AZU1: variants seen among roughly 807,000 people sequenced by gnomAD.
AZU1 encodes the protein azurocidin.
AZU1 carries 21 observed loss-of-function variants against 17.8 expected under a neutral mutation model. The ratio of observed to expected loss-of-function variants is 1.18; its 90% confidence interval spans 0.84 to 1.70. The LOEUF is 1.70. AZU1 is among the 40% of genes most tolerant of loss of function. The probability of loss-of-function intolerance (pLI) is 0.00; values close to 1 mark genes in which losing one functional copy is unlikely to be tolerated. For synonymous variants in AZU1, 178 were observed against 155.2 expected, an observed-to-expected ratio of 1.15 and a Z score of -1.09; for missense variants, 379 against 362.9, an observed-to-expected ratio of 1.04 and a Z score of -0.36.
chr19:828,429 A>C, intron 2 of AZU1, 43 bp downstream of exon 2: 1 of 1,368,156 alleles, frequency 7.3e-7, no homozygotes, highest in Non-Finnish European at 9.6e-7. Flanking sequence ...ATTGGGGCTC[A>C]GAGAAGGGGC....
At position 828,309 on chromosome 19, in the gene AZU1, T is replaced by C. The variant is rs1362721979; in HGVS notation, c.138T>C (p.Asn46=). ...RQFPFLASIQ[N]QGRHFCGGAL... ...TCCCGTTCCTGGCCTCCATTCAGAA[T>C]CAAGGCAGGCACTTCTGCGGGGGTG... Residue 46 remains asparagine (N), a synonymous_variant, in exon 2 of 5, where the codon AAT becomes AAC. Transcript: ENST00000233997. 1 of 1,611,314 alleles carries C rather than the reference T, an allele frequency of 6.2e-7. No homozygotes were observed. Among genetic ancestry groups the C allele is most frequent in the Non-Finnish European group, 8.5e-7 (1 of 1,179,442 alleles).
chr19:830,502 A>G (rs536005534), intron 3 of AZU1, among the ~76,000 whole-genome samples: 1 of 152,068 alleles, frequency 6.6e-6, no homozygotes, highest in African/African-American at 2.4e-5. Flanking sequence ...TTGGTCTCGA[A>G]CTCCTGGCCT....
intron 2 of AZU1, among the ~76,000 whole-genome samples, chr19:829,119 G>A (rs112322569): frequency 4.2e-5 from 5 of 120,020 alleles, no homozygotes; most frequent in Non-Finnish European, 7.1e-5. Context: ...GGGGTCAGAT[G>A]GAGGAGGTGC....
chr19:831,912 C>A lies in AZU1; in HGVS notation c.*35C>A. On this transcript the variant is annotated 3_prime_UTR_variant, in exon 5 of 5. Transcript: ENST00000233997. ...TGACCTCCCATGGAGCCCAGCCCCG[C>A]CCTCCACACCTCCGGCGCTCCGCAC... 2 of 1,589,156 alleles carry A rather than the reference C, an allele frequency of 1.3e-6. No individual in the cohort carries two copies. The highest frequency in any genetic ancestry group is 8.6e-7 in the Non-Finnish European group (1 of 1,165,478).
chr19:828,262 C>G lies in AZU1; in HGVS notation c.91C>G (p.Arg31Gly). 3 of 1,608,414 alleles carry G rather than the reference C, an allele frequency of 1.9e-6. No homozygotes were observed. The highest frequency in any genetic ancestry group is 1.1e-5 in the South Asian group (1 of 90,524). Residue 31 changes from arginine (R) to glycine (G), a missense_variant, in exon 2 of 5, where the codon CGG becomes GGG. By Grantham distance (125) the Arg-to-Gly change is moderately radical. Coordinates refer to ENST00000233997, the MANE Select transcript of AZU1 (RefSeq NM_001700.5). ...CCCCCTTTTGGACATCGTTGGCGGC[C>G]GGAAGGCGAGGCCCCGCCAGTTCCC... ...SSPLLDIVGG[R>G]KARPRQFPFL...
chr19:831,139 G>A (rs1406547709), intron 4 of AZU1, 198 bp downstream of exon 4: 22 of 571,698 alleles, frequency 3.8e-5, no homozygotes, highest in East Asian at 3.0e-5. Flanking sequence ...GTGTAGTGGC[G>A]TGATCTCGGC....
At chr19:831,292 C>A in intron 4 of AZU1, 2 of 321,884 alleles carry the variant, frequency 6.2e-6, no homozygotes, top group Non-Finnish European at 1.1e-5. Flanking sequence ...GTGGGTCAGG[C>A]TGGTCTCGAA....
intron 4 of AZU1, 96 bp from the exon 5 acceptor site, chr19:831,620 C>G: frequency 7.5e-7 from 1 of 1,340,520 alleles, no homozygotes; most frequent in South Asian, 1.5e-5. Flanking sequence ...TGGATCAGGA[C>G]TTGTAGGTTC....
Position 828,403 on chromosome 19 carries a change from AG to A in AZU1, c.215+22del. On this transcript the variant is annotated intron_variant, in intron 2 of 4. Transcript: ENST00000233997. ...CCAAAGCCAGTGAGGGGTCCTGGGG[AG>A]GGGGCCTAGGGGGCATTGGGGCTCA... is the stretch of plus-strand genomic sequence containing the variant. The A allele has an allele frequency of 1.3e-6, 1 of 744,906 alleles. No individual in the cohort carries two copies. The highest frequency in any genetic ancestry group is 1.7e-6 in the Non-Finnish European group (1 of 593,750). 46.1% of individuals were successfully genotyped at this position (744,906 alleles called of 1,614,324 possible).
At chr19:828,135 C>T (rs2035237475) in intron 1 of AZU1, 95 bp from the exon 2 acceptor site, 2 of 1,440,514 alleles carry the variant, frequency 1.4e-6, no homozygotes, top group Non-Finnish European at 1.9e-6. Context: ...CCCGCAGCCC[C>T]ACTGGGTGGA....
chr19:829,722 C>T lies in AZU1; in HGVS notation c.360+16C>T, dbSNP rs200484786. 802 of 1,609,456 alleles carry T rather than the reference C, an allele frequency of 5.0e-4. 1 individual carries two copies. The highest frequency in any genetic ancestry group is 6.2e-4 in the Non-Finnish European group (730 of 1,176,886). On this transcript the variant is annotated intron_variant, in intron 3 of 4. Transcript: ENST00000233997. ...GCTGCTTCAGGTGAGAGGATGGTGC[C>T]ACCTGTGATCCCAGCACCTCGGGAG... is the stretch of plus-strand genomic sequence containing the variant.
intron 4 of AZU1, 200 bp downstream of exon 4, chr19:831,141 G>A: frequency 1.8e-6 from 1 of 557,506 alleles, no homozygotes; most frequent in Admixed American, 3.4e-5. Context: ...GTAGTGGCGT[G>A]ATCTCGGCGG....
chr19:828,666 G>C (rs558407245), intron 2 of AZU1, among the ~76,000 whole-genome samples: 96 of 143,928 alleles, frequency 6.7e-4, no homozygotes, highest in Middle Eastern at 7.4e-3. Flanking sequence ...AGGAGGTGCA[G>C]TGAAGGAAAG....
intron 3 of AZU1, 124 bp from the exon 4 acceptor site, chr19:830,584 C>A: frequency 2.3e-6 from 2 of 872,794 alleles, no homozygotes; most frequent in Non-Finnish European, 3.3e-6. Context: ...CCGGCCCCTG[C>A]CGGGAATTAA....
chr19:828,119 G>C lies in AZU1; in HGVS notation c.59-111G>C, dbSNP rs535625950. On this transcript the variant is annotated intron_variant, in intron 1 of 4. Coordinates refer to ENST00000233997, the MANE Select transcript of AZU1 (RefSeq NM_001700.5). ...GGGAGTGGGACGATGGGGGAGGGTG[G>C]GTCCCCCCGCAGCCCCACTGGGTGG... The C allele has an allele frequency of 2.6e-5, 35 of 1,355,524 alleles. No homozygotes were observed. The East Asian group carries it at 3.7e-4, about 14-fold the overall frequency. The allele number at this position is 1,355,524 out of a possible 1,614,324, so 84.0% of individuals were successfully genotyped here.
chr19:831,484 T>A, intron 4 of AZU1: 1 of 540,008 alleles, frequency 1.9e-6, no homozygotes, highest in Non-Finnish European at 3.3e-6. Context: ...GGCGTGTGAT[T>A]GCCAGGGGAG....
At chr19:830,637 C>T in intron 3 of AZU1, 71 bp from the exon 4 acceptor site, 2 of 1,294,576 alleles carry the variant, frequency 1.5e-6, no homozygotes, top group Non-Finnish European at 2.1e-6. Flanking sequence ...GCTGACACTT[C>T]TGCTCCCAGG....
intron 3 of AZU1, among the ~76,000 whole-genome samples, 179 bp from the exon 4 acceptor site, chr19:830,529 C>T (rs1388369275): frequency 6.6e-6 from 1 of 152,230 alleles, no homozygotes; most frequent in Non-Finnish European, 1.5e-5. Flanking sequence ...ATCCACCCAC[C>T]TTGGCCTCGC....
Position 831,883 on chromosome 19 carries a change from C to G in AZU1, c.*6C>G. ...CGGGACCGGGGCCAGCCTAGGGGGG[C>G]CTGTGACCTCCCATGGAGCCCAGCC... On this transcript the variant is annotated 3_prime_UTR_variant, in exon 5 of 5. Coordinates refer to ENST00000233997, the MANE Select transcript of AZU1 (RefSeq NM_001700.5). The G allele has an allele frequency of 6.2e-7, 1 of 1,609,370 alleles. No individual in the cohort carries two copies. Among genetic ancestry groups the G allele is most frequent in the Non-Finnish European group, 8.5e-7 (1 of 1,177,990 alleles).
Sources: gnomAD v4.1 joint callset for allele counts (sites outside exome capture counted in the v4.1 genomes callset) on GRCh38, gnomAD v4.1.1 for gene constraint, MANE v1.5 for transcripts, NCBI Gene and HGNC (gene_info 2026-07-23, HGNC 2026-07-21) for gene names.